The following VEPH1 variants were observed in gnomAD, a reference collection of about 807,000 sequenced individuals.
The protein encoded by VEPH1 is ventricular zone expressed PH domain containing 1, also known as ventricular zone-expressed PH domain-containing protein homolog 1.
Under a neutral mutation model 85.2 loss-of-function variants are expected in VEPH1, and 80 were observed. That is an observed-to-expected ratio of 0.94 (90% CI 0.78 to 1.13). The LOEUF is 1.13. VEPH1 is among the 50% of genes most tolerant of loss of function. VEPH1 has a pLI of 0.00. For missense variants in VEPH1, 955 were observed against 980.5 expected (o/e 0.97, Z 0.35); for synonymous variants, 297 against 348.0 (o/e 0.85, Z 1.63).
chr3:157,471,845 C>T (rs970281134), intron 2 of VEPH1, among the ~76,000 whole-genome samples: 1 of 152,046 alleles, frequency 6.6e-6, no homozygotes, highest in Non-Finnish European at 1.5e-5. Flanking sequence ...TATTCAATGA[C>T]ATCCTAAGAT....
intron 11 of VEPH1, among the ~76,000 whole-genome samples, chr3:157,299,577 A>G (rs9810648): frequency 0.081 from 11,474 of 141,996 alleles, 573 homozygotes; most frequent in Non-Finnish European, 0.096. Context: ...AAAAAAAAAA[A>G]AAAGAAAGAA....
intron 3 of VEPH1, among the ~76,000 whole-genome samples, chr3:157,465,829 AC>A (rs1736317051): frequency 6.6e-6 from 1 of 152,110 alleles, no homozygotes; most frequent in African/African-American, 2.4e-5. Flanking sequence ...TTATTCTATT[AC>A]CCCTGTTACC....
intron 11 of VEPH1, among the ~76,000 whole-genome samples, chr3:157,299,574 AAAAAAAGAAAG>A: frequency 6.6e-6 from 1 of 151,104 alleles, no homozygotes; most frequent in Non-Finnish European, 1.5e-5. Flanking sequence ...AAAAAAAAAA[AAAAAAAGAAAG>A]AAAGAAAGAA....
At chr3:157,437,980 A>G in intron 4 of VEPH1, 2 of 1,495,714 alleles carry the variant, frequency 1.3e-6, no homozygotes, top group Non-Finnish European at 1.8e-6. Context: ...CGTAACGGCA[A>G]GCCAAGCCAG....
rs545525175 is a variant in VEPH1 at position 157,342,768 on chromosome 3, T to C, written c.1735+20596A>G. Among the ~76,000 whole-genome samples the C allele has an allele frequency of 2.6e-5, 4 of 152,284 alleles. No homozygotes were observed. In the South Asian group the frequency reaches 8.3e-4, roughly 32 times the overall value. On this transcript the variant is annotated intron_variant, in intron 9 of 13. Coordinates refer to ENST00000362010, the MANE Select transcript of VEPH1 (RefSeq NM_001167912.2). ...CACACTTATTCCAAAATTGACCACA[T>C]AGTTGGAAGTAAAGCACTCCTCAGC... is the stretch of plus-strand genomic sequence containing the variant.
intron 4 of VEPH1, among the ~76,000 whole-genome samples, chr3:157,430,569 G>C (rs562372564): frequency 2.0e-5 from 3 of 152,272 alleles, no homozygotes; most frequent in African/African-American, 4.8e-5. Flanking sequence ...ATTTCTTAGG[G>C]TAGTGCTTCT....
intron 2 of VEPH1, chr3:157,488,999 A>C: frequency 3.4e-6 from 1 of 290,738 alleles, no homozygotes; most frequent in Non-Finnish European, 7.1e-6. Context: ...CACATACTTC[A>C]GCAAATCCTG....
At position 157,337,655 on chromosome 3, in the gene VEPH1, C is replaced by T. The variant is rs969297435; in HGVS notation, c.1736-20454G>A. On this transcript the variant is annotated intron_variant, in intron 9 of 13. Coordinates refer to ENST00000362010, the MANE Select transcript of VEPH1 (RefSeq NM_001167912.2). ...ACAGGGAACATTATACTTTTATAAT[C>T]GGGGAAAAATACCTTCACTAGAATT... Among the ~76,000 whole-genome samples the T allele has an allele frequency of 1.8e-4, 28 of 152,020 alleles. 1 individual carries two copies. Among genetic ancestry groups the T allele is most frequent in the Admixed American group, 5.2e-4 (8 of 15,240 alleles).
At chr3:157,341,753 A>G (rs950794133) in intron 9 of VEPH1, among the ~76,000 whole-genome samples, 1 of 152,084 alleles carries the variant, frequency 6.6e-6, no homozygotes, top group Non-Finnish European at 1.5e-5. Flanking sequence ...ATGAAGGAAA[A>G]AATGTTAAGG....
At chr3:157,316,645 G>GA (rs1281712343) in intron 10 of VEPH1, among the ~76,000 whole-genome samples, 5 of 151,524 alleles carry the variant, frequency 3.3e-5, no homozygotes, top group Non-Finnish European at 5.9e-5. Flanking sequence ...ATATTCTATA[G>GA]AAAAAAGAGA....
intron 3 of VEPH1, among the ~76,000 whole-genome samples, chr3:157,468,562 G>A (rs549903692): frequency 5.3e-5 from 8 of 152,080 alleles, no homozygotes; most frequent in South Asian, 2.1e-4. Flanking sequence ...GCGACAGAGC[G>A]AGACTCCATC....
chr3:157,283,525 A>T lies in VEPH1; in HGVS notation c.2128+3032T>A, dbSNP rs187191683. Among the ~76,000 whole-genome samples the T allele has an allele frequency of 3.2e-3, 480 of 152,278 alleles. 4 individuals are homozygous for T. The highest frequency in any genetic ancestry group is 0.011 in the African/African-American group (458 of 41,562). On this transcript the variant is annotated intron_variant, in intron 12 of 13. Coordinates refer to ENST00000362010, the MANE Select transcript of VEPH1 (RefSeq NM_001167912.2). ...TATTTTATTGATCACCAGATATTAA[A>T]CTCCTGTGAATTTCTGTGTGTTGAT... is the stretch of plus-strand genomic sequence containing the variant.
intron 9 of VEPH1, among the ~76,000 whole-genome samples, chr3:157,334,081 C>G (rs559436174): frequency 6.6e-6 from 1 of 152,176 alleles, no homozygotes; most frequent in Non-Finnish European, 1.5e-5. Flanking sequence ...ATCAACTCCA[C>G]GTAGTGTGTA....
chr3:157,481,859 T>C (rs1738128104), intron 2 of VEPH1, among the ~76,000 whole-genome samples: 1 of 152,238 alleles, frequency 6.6e-6, no homozygotes, highest in African/African-American at 2.4e-5. Flanking sequence ...CCTTTCCTCA[T>C]TGCTTAGTTT....
intron 4 of VEPH1, chr3:157,436,837 G>T: frequency 7.4e-7 from 1 of 1,351,458 alleles, no homozygotes; most frequent in Non-Finnish European, 1.0e-6. Context: ...AGGACTCTCT[G>T]CTCCAGCCTC....
At chr3:157,357,172 C>T (rs566425776) in intron 9 of VEPH1, among the ~76,000 whole-genome samples, 250 of 152,224 alleles carry the variant, frequency 1.6e-3, no homozygotes, top group Non-Finnish European at 2.6e-3. Flanking sequence ...TACTCCTGTG[C>T]ATTTTCGCTC....
chr3:157,313,573 C>A, intron 11 of VEPH1, 48 bp downstream of exon 11: 1 of 1,578,712 alleles, frequency 6.3e-7, no homozygotes. Context: ...TGTTTCAAGA[C>A]AATCTTAAAT....
intron 13 of VEPH1, among the ~76,000 whole-genome samples, chr3:157,262,380 T>C (rs567691464): frequency 6.6e-6 from 1 of 152,124 alleles, no homozygotes; most frequent in East Asian, 1.9e-4. Flanking sequence ...TATAACTTTT[T>C]AAAAAGATAA....
At chr3:157,412,361 C>G (rs953171836) in intron 6 of VEPH1, among the ~76,000 whole-genome samples, 108 of 152,222 alleles carry the variant, frequency 7.1e-4, no homozygotes, top group African/African-American at 2.5e-3. Context: ...TTACATCTTC[C>G]ATGGGAGTTT....
Sources: gnomAD v4.1 joint callset for allele counts (sites outside exome capture counted in the v4.1 genomes callset) on GRCh38, gnomAD v4.1.1 for gene constraint, MANE v1.5 for transcripts, NCBI Gene and HGNC (gene_info 2026-07-23, HGNC 2026-07-21) for gene names.